The following TRABD2B variants were observed in gnomAD, a reference collection of about 807,000 sequenced individuals.
The protein encoded by TRABD2B is TraB domain containing 2B.
In TRABD2B, 14 loss-of-function variants were observed where a neutral mutation model predicts 40.1. The observed-to-expected ratio is 0.35, with a 90% CI of 0.23 to 0.55. The LOEUF (loss-of-function observed/expected upper bound fraction) is 0.55, where lower values mean the gene tolerates loss of function less well. Among genes scored for constraint, TRABD2B ranks in the 20% least tolerant of loss-of-function variants. The pLI, the probability that TRABD2B is intolerant of heterozygous loss-of-function variation, is 0.90. For synonymous variants in TRABD2B, 263 were observed against 277.0 expected, an observed-to-expected ratio of 0.95 and a Z score of 0.50; for missense variants, 541 against 648.6, an observed-to-expected ratio of 0.83 and a Z score of 1.80.
intron 2 of TRABD2B, among the ~76,000 whole-genome samples, chr1:47,988,986 G>C (rs1024865404): frequency 2.0e-5 from 3 of 152,190 alleles, no homozygotes; most frequent in Non-Finnish European, 2.9e-5. Context: ...TCTGGGAGTA[G>C]ATTAGTTCAT....
At chr1:47,941,741 C>G (rs1258726291) in intron 2 of TRABD2B, among the ~76,000 whole-genome samples, 2 of 152,210 alleles carry the variant, frequency 1.3e-5, no homozygotes, top group Non-Finnish European at 2.9e-5. Flanking sequence ...CTTGGAAGCT[C>G]AGAGGCCCAG....
At chr1:47,775,729 G>C (rs1644436532) in intron 5 of TRABD2B, among the ~76,000 whole-genome samples, 2 of 152,324 alleles carry the variant, frequency 1.3e-5, no homozygotes, top group Admixed American at 1.3e-4. Context: ...CAATGCCTCT[G>C]ATCTCTGAGA....
At chr1:47,953,621 G>A (rs1645377760) in intron 2 of TRABD2B, among the ~76,000 whole-genome samples, 1 of 152,174 alleles carries the variant, frequency 6.6e-6, no homozygotes, top group Non-Finnish European at 1.5e-5. Flanking sequence ...CCTTGAGCTA[G>A]TCACTTCACC....
intron 2 of TRABD2B, among the ~76,000 whole-genome samples, chr1:47,984,850 C>T (rs751818072): frequency 1.4e-5 from 2 of 138,172 alleles, no homozygotes; most frequent in South Asian, 2.2e-4. Flanking sequence ...AACACCTGCA[C>T]GGATGCTGTG....
At chr1:47,837,031 TC>T (rs1233669449) in intron 2 of TRABD2B, among the ~76,000 whole-genome samples, 2 of 152,236 alleles carry the variant, frequency 1.3e-5, no homozygotes, top group African/African-American at 2.4e-5. Context: ...TAGAGTGGCT[TC>T]CTATTAGGTG....
chr1:47,912,840 C>T (rs1644781085), intron 2 of TRABD2B, among the ~76,000 whole-genome samples: 2 of 152,130 alleles, frequency 1.3e-5, no homozygotes, highest in South Asian at 4.1e-4. Context: ...TCTCACTCTC[C>T]CTAGTCATTA....
chr1:47,794,618 T>C lies in TRABD2B; in HGVS notation c.956A>G (p.Glu319Gly). The C allele has an allele frequency of 6.5e-7, 1 of 1,534,892 alleles. No homozygotes were observed. Among genetic ancestry groups the C allele is most frequent in the South Asian group, 1.2e-5 (1 of 83,818 alleles). ...KRVMALLREN[E>G]DKICFFAFGA... Reference sequence around the variant, plus strand: ...GAAGGCAAAGAAGCAGATCTTGTCCTCGTTCTCCCGTAGAAGCGCCATGAC... The same window carrying C: ...GAAGGCAAAGAAGCAGATCTTGTCCCCGTTCTCCCGTAGAAGCGCCATGAC... The change falls in exon 4 of 7, where the codon GAG becomes GGG. Residue 319 changes from glutamate to glycine, a missense_variant. Transcript: ENST00000606738.
At chr1:47,933,274 T>A (rs1450620901) in intron 2 of TRABD2B, among the ~76,000 whole-genome samples, 1 of 142,542 alleles carries the variant, frequency 7.0e-6, no homozygotes, top group Non-Finnish European at 1.5e-5. Context: ...CCTGGCTAAT[T>A]TTTTTTTTTG....
At chr1:47,907,504 A>C (rs1392787752) in intron 2 of TRABD2B, among the ~76,000 whole-genome samples, 1 of 152,142 alleles carries the variant, frequency 6.6e-6, no homozygotes, top group African/African-American at 2.4e-5. Context: ...GAGGAAACTG[A>C]GGCTCCAACA....
intron 2 of TRABD2B, among the ~76,000 whole-genome samples, chr1:47,976,223 G>T (rs1383253510): frequency 6.6e-6 from 1 of 152,126 alleles, no homozygotes; most frequent in Non-Finnish European, 1.5e-5. Context: ...ATAAAACAGA[G>T]AATTAATCAG....
chr1:47,831,031 A>G (rs1418458410), intron 2 of TRABD2B, among the ~76,000 whole-genome samples: 1 of 151,066 alleles, frequency 6.6e-6, no homozygotes, highest in Non-Finnish European at 1.5e-5. Flanking sequence ...CGACTGAGCC[A>G]CATTCCCCCA....
chr1:47,959,895 G>A (rs1645484488), intron 2 of TRABD2B, among the ~76,000 whole-genome samples: 1 of 152,244 alleles, frequency 6.6e-6, no homozygotes, highest in South Asian at 2.1e-4. Context: ...AAGCCTGGCA[G>A]AGACACACAC....
At chr1:47,797,364 G>A (rs1045119807) in intron 3 of TRABD2B, among the ~76,000 whole-genome samples, 11 of 152,140 alleles carry the variant, frequency 7.2e-5, no homozygotes, top group Non-Finnish European at 1.3e-4. Flanking sequence ...GGTGGCTTTG[G>A]GCACAGGGTA....
intron 2 of TRABD2B, among the ~76,000 whole-genome samples, chr1:47,829,994 C>T (rs928225182): frequency 6.6e-6 from 1 of 151,914 alleles, no homozygotes; most frequent in Non-Finnish European, 1.5e-5. Context: ...TTCCCTGCCA[C>T]CCCCCAAGCC....
chr1:47,862,912 G>C (rs1421030447), intron 2 of TRABD2B, among the ~76,000 whole-genome samples: 1 of 152,130 alleles, frequency 6.6e-6, no homozygotes, highest in Non-Finnish European at 1.5e-5. Flanking sequence ...AGAAAAGGGT[G>C]CCCAGAAATA....
Position 47,761,697 on chromosome 1 carries a change from T to G in TRABD2B, c.*4205A>C, listed in dbSNP as rs1644245752. ...AGATGTCAACTCTCCTACCACTTCT[T>G]CAGCCAGTGGGCACACTGCCCCTGC... On this transcript the variant is annotated 3_prime_UTR_variant, in exon 7 of 7. Transcript: ENST00000606738. 6.6e-6 allele frequency: 1 copy of G among 152,280 alleles called. No individual in the cohort carries two copies. Among genetic ancestry groups the G allele is most frequent in the South Asian group, 2.1e-4 (1 of 4,832 alleles). 9.4% of individuals were successfully genotyped at this position (152,280 alleles called of 1,614,324 possible).
In TRABD2B at chr1:47,996,637, G is replaced by T; in HGVS notation, c.102+51C>A. 2 of 1,223,012 alleles carry T rather than the reference G, an allele frequency of 1.6e-6. No individual in the cohort carries two copies. Among genetic ancestry groups the T allele is most frequent in the South Asian group, 4.1e-5 (1 of 24,170 alleles). 75.8% of individuals were successfully genotyped at this position (1,223,012 alleles called of 1,614,324 possible). A position where few individuals can be genotyped will look rare whatever the true frequency, so the allele number is the denominator to read the frequency against. The stretch of plus-strand genomic sequence containing the variant: ...CAGGACCCAAACCATGGTCCCACGG[G>T]ACTAGAATACCCAGGCAGGCGGGAG... On this transcript the variant is annotated intron_variant, in intron 1 of 6. Coordinates refer to ENST00000606738, the MANE Select transcript of TRABD2B (RefSeq NM_001194986.2). This position sits in a 1 kb window ranked among gnomAD's most constrained non-coding sequence, Gnocchi z 4.6.
intron 2 of TRABD2B, among the ~76,000 whole-genome samples, chr1:47,815,997 A>G (rs1418457754): frequency 6.6e-6 from 1 of 152,126 alleles, no homozygotes; most frequent in Non-Finnish European, 1.5e-5. Flanking sequence ...GACTGAGATT[A>G]ATGGGACTTG....
intron 2 of TRABD2B, among the ~76,000 whole-genome samples, chr1:47,810,153 T>TGAGTGC (rs386353946): frequency 5.8e-4 from 88 of 151,186 alleles, no homozygotes; most frequent in Middle Eastern, 6.8e-3. Context: ...TGTGTGTGTG[T>TGAGTGC]GCGCGCGCGC....
Sources: allele counts gnomAD v4.1 joint callset (sites outside exome capture counted in the v4.1 genomes callset), GRCh38; gene constraint gnomAD v4.1.1; non-coding constraint Gnocchi (gnomAD v3.1); transcripts MANE v1.5; gene names NCBI Gene and HGNC (gene_info 2026-07-23, HGNC 2026-07-21).